The following XRCC2 variants were observed in gnomAD, a reference collection of about 807,000 sequenced individuals.
XRCC2 encodes the protein X-ray repair cross complementing 2.
XRCC2 carries 24 observed loss-of-function variants against 27.3 expected under a neutral mutation model. The observed-to-expected ratio is 0.88, with a 90% CI of 0.64 to 1.24. XRCC2 has a LOEUF of 1.24. Ranked by LOEUF, XRCC2 falls within the 50% of genes most tolerant of loss-of-function variation. The pLI is 0.00. For missense variants in XRCC2, 321 were observed against 325.8 expected, an observed-to-expected ratio of 0.99 and a Z score of 0.11; for synonymous variants, 106 against 115.4, an observed-to-expected ratio of 0.92 and a Z score of 0.52.
Position 152,648,602 on chromosome 7 carries a change from C to T in XRCC2, c.*40G>A. 2 of 1,525,900 alleles carry T rather than the reference C, an allele frequency of 1.3e-6. No homozygotes were observed. The highest frequency in any genetic ancestry group is 4.8e-4 in the Middle Eastern group (2 of 4,142). 94.5% of individuals were successfully genotyped at this position (1,525,900 alleles called of 1,614,324 possible). A position where few individuals can be genotyped will look rare whatever the true frequency, so the allele number is the denominator to read the frequency against. On this transcript the variant is annotated 3_prime_UTR_variant, in exon 3 of 3. Transcript: ENST00000359321. ...CTCTGTCTTAAGAAAAATTTTAAGGCTTGCGTAGTACCCTGCAAAAGACTA... is the reference window on the plus strand; with the variant it reads ...CTCTGTCTTAAGAAAAATTTTAAGGTTTGCGTAGTACCCTGCAAAAGACTA...
At chr7:152,660,979 G>A (rs752788771) in intron 1 of XRCC2, among the ~76,000 whole-genome samples, 197 bp from the exon 2 acceptor site, 2 of 152,040 alleles carry the variant, frequency 1.3e-5, no homozygotes, top group African/African-American at 4.8e-5. Context: ...CAGCCTGGGC[G>A]ACATGGTGAA....
chr7:152,657,480 G>C (rs886498934), intron 2 of XRCC2, among the ~76,000 whole-genome samples: 1 of 151,852 alleles, frequency 6.6e-6, no homozygotes, highest in Non-Finnish European at 1.5e-5. Flanking sequence ...TTGTAGAGAT[G>C]AGGTTTCACC....
chr7:152,674,822 T>C (rs1294393137), intron 1 of XRCC2, among the ~76,000 whole-genome samples: 2 of 137,956 alleles, frequency 1.4e-5, no homozygotes, highest in Non-Finnish European at 3.0e-5. Flanking sequence ...GCCGTTCTTA[T>C]ACTAAGCAGT....
chr7:152,647,118 A>G lies in XRCC2; in HGVS notation c.*1524T>C, dbSNP rs1305189400. ...GCCATTTGGACTGGTGTGAGATGGT[A>G]TCTCGTTGTTGTTTCGATTTGCATT... On this transcript the variant is annotated 3_prime_UTR_variant, in exon 3 of 3. Transcript: ENST00000359321. 2 of 152,192 alleles carry G rather than the reference A, an allele frequency of 1.3e-5. No homozygotes were observed. Among genetic ancestry groups the G allele is most frequent in the Non-Finnish European group, 2.9e-5 (2 of 68,040 alleles). The allele number at this position is 152,192 out of a possible 1,614,324, so 9.4% of individuals were successfully genotyped here. A position where few individuals can be genotyped will look rare whatever the true frequency, so the allele number is the denominator to read the frequency against.
At position 152,645,189 on chromosome 7, in the gene XRCC2, AT is replaced by A. The variant is rs2098025230; in HGVS notation, c.*3452del. On this transcript the variant is annotated 3_prime_UTR_variant, in exon 3 of 3. Transcript: ENST00000359321. ...AATTTTCTCCAAAAAGGTCTTGCATATTTTTATTAGATTTATTTCTAGAAAC... is the reference window on the plus strand; with the variant it reads ...AATTTTCTCCAAAAAGGTCTTGCATATTTTATTAGATTTATTTCTAGAAAC... 6.7e-6 allele frequency: 1 copy of A among 150,316 alleles called. No homozygotes were observed. The highest frequency in any genetic ancestry group is 2.4e-5 in the African/African-American group (1 of 41,338). 9.3% of individuals were successfully genotyped at this position (150,316 alleles called of 1,614,324 possible).
chr7:152,651,438 A>G (rs1424092679), intron 2 of XRCC2, among the ~76,000 whole-genome samples: 1 of 151,642 alleles, frequency 6.6e-6, no homozygotes, highest in Non-Finnish European at 1.5e-5. Context: ...TAAAAAAAAA[A>G]AAAAAAAGCC....
chr7:152,674,254 T>C (rs2098039378), intron 1 of XRCC2, among the ~76,000 whole-genome samples: 1 of 152,184 alleles, frequency 6.6e-6, no homozygotes, highest in South Asian at 2.1e-4. Context: ...TCTCATTTTT[T>C]GGATACAAGG....
intron 1 of XRCC2, among the ~76,000 whole-genome samples, chr7:152,661,087 CAA>C (rs1744701559): frequency 1.3e-5 from 2 of 152,066 alleles, no homozygotes; most frequent in African/African-American, 4.8e-5. Context: ...TCACTTGAGT[CAA>C]AGAGGCAGAG....
Position 152,647,693 on chromosome 7 carries a change from G to T in XRCC2, c.*949C>A, listed in dbSNP as rs899766794. ...GCTTGTTTTTGTCAGGTTCATCGAA[G>T]ATCAAAAAAATTATAGGTGTGTGGT... On this transcript the variant is annotated 3_prime_UTR_variant, in exon 3 of 3. Transcript: ENST00000359321. 2 of 152,074 alleles carry T rather than the reference G, an allele frequency of 1.3e-5. No homozygotes were observed. The highest frequency in any genetic ancestry group is 4.8e-5 in the African/African-American group (2 of 41,424). 9.4% of individuals were successfully genotyped at this position (152,074 alleles called of 1,614,324 possible).
intron 1 of XRCC2, among the ~76,000 whole-genome samples, chr7:152,666,187 A>G (rs1017886626): frequency 6.6e-6 from 1 of 152,176 alleles, no homozygotes; most frequent in Non-Finnish European, 1.5e-5. Flanking sequence ...CACATATAAC[A>G]TAAAGAAAAG....
chr7:152,671,257 C>A (rs1352823941), intron 1 of XRCC2, among the ~76,000 whole-genome samples: 1 of 151,958 alleles, frequency 6.6e-6, no homozygotes, highest in African/African-American at 2.4e-5. Context: ...AATTTAAAAC[C>A]TCCAGAGAAA....
intron 2 of XRCC2, among the ~76,000 whole-genome samples, chr7:152,657,493 G>T (rs1222822533): frequency 6.6e-6 from 1 of 152,020 alleles, no homozygotes; most frequent in Admixed American, 6.6e-5. Context: ...GTTTCACCAT[G>T]TTGGCCAGGC....
In XRCC2 at chr7:152,649,247, A is replaced by G. The variant is rs751980448; in HGVS notation, c.238T>C (p.Phe80Leu). 3.1e-6 allele frequency: 5 copies of G among 1,613,800 alleles called. No individual in the cohort carries two copies. The highest frequency in any genetic ancestry group is 1.1e-5 in the South Asian group (1 of 91,084). The change falls in exon 3 of 3, where the codon TTT becomes CTT. Residue 80 changes from phenylalanine to leucine, a missense_variant. By Grantham distance (22) the Phe-to-Leu change is conservative (BLOSUM62 0). Transcript: ENST00000359321. Reference protein sequence around the residue: ...SEGGLEVEVLFIDTDYHFDML... With the variant: ...SEGGLEVEVLLIDTDYHFDML... ...TCAAAGTGGTAATCTGTATCAATAA[A>G]TAAGACTTCTACTTCCAGGCCACCT... is the stretch of plus-strand genomic sequence containing the variant.
chr7:152,662,794 C>T (rs894480494), intron 1 of XRCC2, among the ~76,000 whole-genome samples: 7 of 151,112 alleles, frequency 4.6e-5, no homozygotes, highest in African/African-American at 1.2e-4. Flanking sequence ...GGGATGGTCT[C>T]GATCTCCTGA....
At chr7:152,675,608 A>G (rs1426045697) in intron 1 of XRCC2, among the ~76,000 whole-genome samples, 1 of 151,972 alleles carries the variant, frequency 6.6e-6, no homozygotes, top group Non-Finnish European at 1.5e-5. Context: ...CTCCGCAAAC[A>G]CCACCTGTTC....
rs730882041 is a variant in XRCC2 at position 152,649,303 on chromosome 7, A to G, written c.182T>C (p.Leu61Pro). 7 of 1,612,492 alleles carry G rather than the reference A, an allele frequency of 4.3e-6. No homozygotes were observed. The highest frequency in any genetic ancestry group is 5.9e-6 in the Non-Finnish European group (7 of 1,179,788). ...GTGKTEMLYH[L>P]TARCILPKSE... ...TTTGGGAAGTATACATCGTGCTGTT[A>G]GGTGATAAAGCATTTCTGTTTTTCC... Residue 61 changes from leucine to proline, a missense_variant, in exon 3 of 3, where the codon CTA becomes CCA. By Grantham distance (98) the Leu-to-Pro change is moderately conservative. Coordinates refer to ENST00000359321, the MANE Select transcript of XRCC2 (RefSeq NM_005431.2).
intron 1 of XRCC2, among the ~76,000 whole-genome samples, chr7:152,672,220 T>C (rs535663946): frequency 2.0e-4 from 31 of 152,228 alleles, no homozygotes; most frequent in African/African-American, 7.5e-4. Flanking sequence ...ATAATTATAA[T>C]GAAGGAACAT....
rs147990159 is a variant in XRCC2 at position 152,646,280 on chromosome 7, C to G, written c.*2362G>C. On this transcript the variant is annotated 3_prime_UTR_variant, in exon 3 of 3. Transcript: ENST00000359321. Reference sequence around the variant, plus strand: ...GTCAAATTATATGCTTTTCTTGCCACGTATTCTAAGTCTGTGAGAGGGTGT... The same window carrying G: ...GTCAAATTATATGCTTTTCTTGCCAGGTATTCTAAGTCTGTGAGAGGGTGT... 8.5e-6 allele frequency: 1 copy of G among 117,724 alleles called. No individual in the cohort carries two copies. The highest frequency in any genetic ancestry group is 3.4e-5 in the African/African-American group (1 of 29,428). 7.3% of individuals were successfully genotyped at this position (117,724 alleles called of 1,614,324 possible).
At chr7:152,656,085 G>A (rs756538176) in intron 2 of XRCC2, among the ~76,000 whole-genome samples, 3 of 152,150 alleles carry the variant, frequency 2.0e-5, no homozygotes, top group South Asian at 2.1e-4. Context: ...GGGAGGGAGC[G>A]CGTCAGGACA....
Sources: allele counts gnomAD v4.1 joint callset (sites outside exome capture counted in the v4.1 genomes callset), GRCh38; gene constraint gnomAD v4.1.1; transcripts MANE v1.5; gene names NCBI Gene and HGNC (gene_info 2026-07-23, HGNC 2026-07-21).